The following C3 variants were observed in gnomAD, a reference collection of about 807,000 sequenced individuals.
The protein encoded by C3 is C3 and PZP-like alpha-2-macroglobulin domain-containing protein 1.
A neutral mutation model predicts 207.9 loss-of-function variants in C3; 97 were observed. That is an observed-to-expected ratio of 0.47 (90% CI 0.40 to 0.55). The LOEUF (loss-of-function observed/expected upper bound fraction) is 0.55, where lower values mean the gene tolerates loss of function less well. Among genes scored for constraint, C3 ranks in the 20% least tolerant of loss-of-function variants. C3 has a pLI of 0.00. For synonymous variants in C3, 848 were observed against 857.6 expected, an observed-to-expected ratio of 0.99 and a Z score of 0.20; for missense variants, 1,684 against 2,171.7, an observed-to-expected ratio of 0.78 and a Z score of 4.46.
intron 19 of C3, among the ~76,000 whole-genome samples, chr19:6,700,531 ATATAT>A (rs1463690379): frequency 2.9e-5 from 1 of 35,034 alleles, no homozygotes; most frequent in Non-Finnish European, 4.0e-5. Flanking sequence ...ATGTAATATG[ATATAT>A]TATATATGTA....
At chr19:6,686,966 T>C (rs898471650) in intron 27 of C3, 64 bp from the exon 28 acceptor site, 5 of 1,517,452 alleles carry the variant, frequency 3.3e-6, no homozygotes, top group African/African-American at 2.7e-5. Context: ...GTAAGGATCA[T>C]TCGAGCAGCA....
chr19:6,717,903 T>C (rs1968075469), intron 4 of C3, 191 bp downstream of exon 4: 2 of 676,934 alleles, frequency 3.0e-6, no homozygotes, highest in South Asian at 1.6e-5. Flanking sequence ...TGTGTGTGTA[T>C]TGTGTGCTGT....
At chr19:6,692,823 A>T in intron 26 of C3, 101 bp downstream of exon 26, 3 of 1,394,300 alleles carry the variant, frequency 2.2e-6, no homozygotes, top group Non-Finnish European at 3.0e-6. Context: ...TGCAAAGGGA[A>T]TTGGGCAGTG....
In C3 at chr19:6,693,014, G is replaced by A. The variant is rs1275535977; in HGVS notation, c.3300C>T (p.Leu1100=). 1 of 1,614,182 alleles carries A rather than the reference G, an allele frequency of 6.2e-7. No individual in the cohort carries two copies. Among genetic ancestry groups the A allele is most frequent in the Admixed American group, 1.7e-5 (1 of 60,028 alleles). Residue 1100 remains leucine, a synonymous_variant, in exon 26 of 41, where the codon CTC becomes CTT. Transcript: ENST00000245907. ...GGATCAGCCATTTAACAGCCCCGCAGAGGACTTGGGAGTCGATGGCGATGA... is the reference window on the plus strand; with the variant it reads ...GGATCAGCCATTTAACAGCCCCGCAAAGGACTTGGGAGTCGATGGCGATGA... ...VNLIAIDSQV[L]CGAVKWLILE... is the part of the protein sequence containing the mutation.
At position 6,694,650 on chromosome 19, in the gene C3, AGAGGACGTTGCTCAAGCCAGGT is replaced by A. The variant is rs1447838568; in HGVS notation, c.2951-38_2951-17del. ...ACTGGGGTCCCTGCAGCAGGTGGGA[AGAGGACGTTGCTCAAGCCAGGT>A]GGGTGACCCACCTTGGGGTGGCGTG... On this transcript the variant is annotated splice_polypyrimidine_tract_variant and intron_variant, in intron 23 of 40. Coordinates refer to ENST00000245907, the MANE Select transcript of C3 (RefSeq NM_000064.4). 6.2e-7 allele frequency: 1 copy of A among 1,608,098 alleles called. No homozygotes were observed. Among genetic ancestry groups the A allele is most frequent in the Admixed American group, 1.7e-5 (1 of 59,964 alleles).
Position 6,707,949 on chromosome 19 carries a change from G to A in C3, c.1846-20C>T, listed in dbSNP as rs762248671. The stretch of plus-strand genomic sequence containing the variant: ...CCAGATCTGCGGGGGGCATAGGGGT[G>A]GCGGGACGCAGGGAGGCCAGGCTGA... On this transcript the variant is annotated intron_variant, in intron 14 of 40. Coordinates refer to ENST00000245907, the MANE Select transcript of C3 (RefSeq NM_000064.4). The A allele has an allele frequency of 1.2e-6, 2 of 1,613,008 alleles. No homozygotes were observed. Among genetic ancestry groups the A allele is most frequent in the African/African-American group, 2.7e-5 (2 of 75,022 alleles).
rs762702121 is a variant in C3 at position 6,697,733 on chromosome 19, C to T, written c.2502G>A (p.Arg834=). The T allele has an allele frequency of 2.5e-6, 4 of 1,613,882 alleles. No homozygotes were observed. Among genetic ancestry groups the T allele is most frequent in the African/African-American group, 2.7e-5 (2 of 74,864 alleles). ...TVMQDFFIDL[R]LPYSVVRNEQ... ...CGTTTCGAACAACAGAGTAGGGTAG[C>T]CGCAGGTCGATGAAGAAGTCCTGCA... Residue 834 remains arginine (R), a synonymous_variant, in exon 20 of 41, where the codon CGG becomes CGA. Coordinates refer to ENST00000245907, the MANE Select transcript of C3 (RefSeq NM_000064.4).
intron 27 of C3, among the ~76,000 whole-genome samples, chr19:6,689,327 A>ACCTATCTCTCTCTCTCTCTCTCTC (rs1568213429): frequency 4.0e-5 from 2 of 49,722 alleles, no homozygotes; most frequent in African/African-American, 2.2e-4. Flanking sequence ...CTCTCTACCT[A>ACCTATCTCTCTCTCTCTCTCTCTC]CCTCCCTCCC....
rs560417052 is a variant in C3, at chr19:6,708,796, C to T, written c.1846-867G>A. Among the ~76,000 whole-genome samples, 62 of 151,472 alleles carry T rather than the reference C, an allele frequency of 4.1e-4. 2 individuals are homozygous for T. In the South Asian group the frequency reaches 7.9e-3, roughly 19 times the overall value. On this transcript the variant is annotated intron_variant, in intron 14 of 40. Coordinates refer to ENST00000245907, the MANE Select transcript of C3 (RefSeq NM_000064.4). ...CAAATTCCTGGGCTCAAGCAATCCT[C>T]GCACCTCTGCCTCCTGAGCAGATGG...
At chr19:6,686,329 C>G in intron 28 of C3, 42 bp from the exon 29 acceptor site, 1 of 1,608,060 alleles carries the variant, frequency 6.2e-7, no homozygotes. Context: ...ACTGCTCTGT[C>G]CAGCCTGGGG....
chr19:6,679,059 A>G (rs1436682536), intron 38 of C3, 66 bp downstream of exon 38: 1 of 1,262,390 alleles, frequency 7.9e-7, no homozygotes, highest in African/African-American at 1.5e-5. Flanking sequence ...AACCACACCT[A>G]CCACCCACCA....
intron 22 of C3, 58 bp downstream of exon 22, chr19:6,696,535 G>T: frequency 6.3e-7 from 1 of 1,599,748 alleles, no homozygotes. Flanking sequence ...CTAAACCCAG[G>T]TCATTTACCC....
intron 17 of C3, among the ~76,000 whole-genome samples, chr19:6,706,637 C>A (rs549090970): frequency 6.7e-6 from 1 of 150,348 alleles, no homozygotes; most frequent in African/African-American, 2.5e-5. Context: ...ATCCTCCCCC[C>A]TCAGACAGAG....
At position 6,713,180 on chromosome 19, in the gene C3, G is replaced by T. The variant is rs1395621206; in HGVS notation, c.1003+9C>A. Reference sequence around the variant, plus strand: ...TGGTCCTGAGCCTGGCCTTCAGACTGGGCCTCACCTGAGTGCAAGATGACG... The same window carrying T: ...TGGTCCTGAGCCTGGCCTTCAGACTTGGCCTCACCTGAGTGCAAGATGACG... On this transcript the variant is annotated intron_variant, in intron 9 of 40. Transcript: ENST00000245907. 4 of 1,613,554 alleles carry T rather than the reference G, an allele frequency of 2.5e-6. No homozygotes were observed. The highest frequency in any genetic ancestry group is 3.4e-6 in the Non-Finnish European group (4 of 1,180,002).
chr19:6,711,685 C>T (rs1006032363), intron 11 of C3, among the ~76,000 whole-genome samples: 8 of 152,272 alleles, frequency 5.3e-5, no homozygotes, highest in Non-Finnish European at 8.8e-5. Context: ...AAGTGGGGTG[C>T]GCAGCCTGGG....
In C3 at chr19:6,718,376, G is replaced by C. The variant is rs2230199; in HGVS notation, c.304C>G (p.Arg102Gly). ...ANREFKSEKG[R>G]NKFVTVQATF... ...GCCTGCACGGTCACGAACTTGTTGC[G>C]CCCCTTTTCTGACTTGAACTCCCTG... The change falls in exon 3 of 41, where the codon CGC (arginine) becomes GGC (glycine). Residue 102 changes from arginine (R) to glycine (G), a missense_variant. Arg to Gly is a moderately radical substitution (Grantham distance 125). This residue lies in a region of C3 where 1,280 missense variants were observed against 1,739.1 expected (regional missense o/e 0.74). Coordinates refer to ENST00000245907, the MANE Select transcript of C3 (RefSeq NM_000064.4). The C allele has an allele frequency of 0.19, 302,553 of 1,614,024 alleles. 31,345 individuals are homozygous for C. Among genetic ancestry groups the C allele is most frequent in the Non-Finnish European group, 0.21 (251,702 of 1,179,934 alleles).
At chr19:6,692,445 G>C (rs1035373018) in intron 26 of C3, among the ~76,000 whole-genome samples, 7 of 151,182 alleles carry the variant, frequency 4.6e-5, no homozygotes, top group Non-Finnish European at 1.0e-4. Context: ...GCTATGTGGT[G>C]AGTGTCTGAG....
chr19:6,682,370 A>C, intron 33 of C3, 141 bp from the exon 34 acceptor site: 1 of 704,178 alleles, frequency 1.4e-6, no homozygotes, highest in Non-Finnish European at 2.6e-6. Context: ...ATTTTTTAGG[A>C]AACATTTCCC....
At chr19:6,718,041 G>GC in intron 4 of C3, 53 bp downstream of exon 4, 1 of 1,531,040 alleles carries the variant, frequency 6.5e-7, no homozygotes, top group Non-Finnish European at 9.1e-7. Context: ...CGATCTCTTT[G>GC]CCTCTCCTAA....
Sources: gnomAD v4.1 joint callset for allele counts (sites outside exome capture counted in the v4.1 genomes callset) on GRCh38, gnomAD v4.1.1 for gene constraint, gnomAD v4.1.1 regional missense constraint, MANE v1.5 for transcripts, NCBI Gene and HGNC (gene_info 2026-07-23, HGNC 2026-07-21) for gene names.